The following LPAR6 variants were observed in gnomAD, a reference collection of about 807,000 sequenced individuals.
LPAR6 encodes G-protein coupled purinergic receptor P2Y5.
Under a neutral mutation model 22.0 loss-of-function variants are expected in LPAR6, and 17 were observed. The ratio of observed to expected loss-of-function variants is 0.77; its 90% confidence interval spans 0.53 to 1.16. LPAR6 has a LOEUF of 1.16. Ranked by LOEUF, LPAR6 falls within the 50% of genes most tolerant of loss-of-function variation. The pLI is 0.00. For synonymous variants in LPAR6, 136 were observed against 139.8 expected, an observed-to-expected ratio of 0.97 and a Z score of 0.19; for missense variants, 384 against 406.9, an observed-to-expected ratio of 0.94 and a Z score of 0.48.
chr13:48,442,092 C>G (rs1949242647), intron 1 of LPAR6, among the ~76,000 whole-genome samples: 1 of 152,188 alleles, frequency 6.6e-6, no homozygotes, highest in Non-Finnish European at 1.5e-5. Context: ...CTTTGACTTT[C>G]ATCATATTCA....
chr13:48,415,045 C>T (rs1948885195), upstream of LPAR6, among the ~76,000 whole-genome samples: 1 of 151,622 alleles, frequency 6.6e-6, no homozygotes, highest in Non-Finnish European at 1.5e-5. Flanking sequence ...TCTTAGTAAT[C>T]TTCTTTCAAA....
At chr13:48,390,185 A>G (rs1948600335) in intron 1 of LPAR6, among the ~76,000 whole-genome samples, 1 of 152,182 alleles carries the variant, frequency 6.6e-6, no homozygotes, top group Non-Finnish European at 1.5e-5. Flanking sequence ...CAAAACAAAC[A>G]AACAAAAAGT....
chr13:48,444,151 G>T lies in LPAR6; in HGVS notation c.-1474+402C>A, dbSNP rs554663290. On this transcript the variant is annotated intron_variant, in intron 1 of 6. Coordinates refer to the LPAR6 transcript ENST00000378434. The stretch of plus-strand genomic sequence containing the variant: ...ACCATCCTAGGCCTCCAGAACTTCT[G>T]ACCTACTGGCTTCAAATTGGGGTTC... Among the ~76,000 whole-genome samples, 72 of 152,178 alleles carry T rather than the reference G, an allele frequency of 4.7e-4. 2 individuals are homozygous for T. In the South Asian group the frequency reaches 0.015, roughly 32 times the overall value.
upstream of LPAR6, among the ~76,000 whole-genome samples, chr13:48,414,061 T>G (rs1948865074): frequency 6.6e-6 from 1 of 152,104 alleles, no homozygotes; most frequent in African/African-American, 2.4e-5. Context: ...TATACTCATA[T>G]TTTGGGCCAG....
rs756223273 is a variant in LPAR6, at chr13:48,411,807, A to C, written c.617T>G (p.Met206Arg). The change falls in exon 1 of 1, where the codon ATG becomes AGG. Residue 206 changes from methionine to arginine, a missense_variant. Physicochemically the swap from Met to Arg is moderately conservative, Grantham distance 91. Coordinates refer to ENST00000620633, the MANE Select transcript of LPAR6 (RefSeq NM_001162498.3). ...AGGTTTGGTTAAAGTTTTTAGCACC[A>C]TACTAGAACAAGTTACATTTAAAAT... ...PLILNVTCSS[M>R]VLKTLTKPVT... The C allele has an allele frequency of 6.2e-7, 1 of 1,612,874 alleles. No individual in the cohort carries two copies. The highest frequency in any genetic ancestry group is 2.2e-5 in the East Asian group (1 of 44,854).
intron 2 of LPAR6, among the ~76,000 whole-genome samples, chr13:48,418,709 CA>C (rs1217781825): frequency 0.075 from 8,188 of 109,632 alleles, 599 homozygotes; most frequent in African/African-American, 0.22. Flanking sequence ...AAATGGAAAG[CA>C]AAAAAAAAAA....
intron 1 of LPAR6, among the ~76,000 whole-genome samples, chr13:48,394,982 C>T (rs1313743167): frequency 6.6e-6 from 1 of 152,204 alleles, no homozygotes; most frequent in African/African-American, 2.4e-5. Context: ...TCAACAGACA[C>T]CTCATACAGG....
chr13:48,415,272 CTTTTCT>C (rs912210738), upstream of LPAR6, among the ~76,000 whole-genome samples: 9 of 151,436 alleles, frequency 5.9e-5, no homozygotes, highest in South Asian at 1.3e-3. Flanking sequence ...TTTTTCTTTT[CTTTTCT>C]TTTTCTTTTT....
upstream of LPAR6, among the ~76,000 whole-genome samples, chr13:48,416,831 T>G (rs1013968094): frequency 2.0e-5 from 3 of 152,118 alleles, no homozygotes; most frequent in Non-Finnish European, 4.4e-5. Context: ...AAGTTTGAAC[T>G]GGGTGGAGCC....
chr13:48,444,058 G>A (rs1949263951), intron 1 of LPAR6, among the ~76,000 whole-genome samples: 1 of 152,068 alleles, frequency 6.6e-6, no homozygotes, highest in Admixed American at 6.6e-5. Flanking sequence ...TTCTGATACT[G>A]TCTACTTGGA....
At chr13:48,419,625 T>C (rs1366697935) in intron 2 of LPAR6, among the ~76,000 whole-genome samples, 2 of 151,732 alleles carry the variant, frequency 1.3e-5, no homozygotes, top group Admixed American at 6.6e-5. Flanking sequence ...ATTAACAAAA[T>C]AGATAGACCA....
chr13:48,433,249 C>T (rs1335330282), intron 1 of LPAR6, among the ~76,000 whole-genome samples: 1 of 151,480 alleles, frequency 6.6e-6, no homozygotes, highest in Non-Finnish European at 1.5e-5. Context: ...ATGTACTTTT[C>T]TATTTATGAG....
At chr13:48,431,125 C>G (rs749545164), upstream of LPAR6, among the ~76,000 whole-genome samples, 4 of 122,704 alleles carry the variant, frequency 3.3e-5, no homozygotes, top group Non-Finnish European at 7.2e-5. Context: ...GGAAACAAGT[C>G]TGTTAGAACA....
At chr13:48,435,877 C>T (rs932297803) in intron 1 of LPAR6, among the ~76,000 whole-genome samples, 2 of 151,940 alleles carry the variant, frequency 1.3e-5, no homozygotes, top group Non-Finnish European at 2.9e-5. Flanking sequence ...AAAGATGAGA[C>T]AAATAGATGT....
chr13:48,422,322 A>G (rs1175877885), intron 2 of LPAR6, among the ~76,000 whole-genome samples: 1 of 152,098 alleles, frequency 6.6e-6, no homozygotes, highest in Non-Finnish European at 1.5e-5. Context: ...AACAATGAGA[A>G]CACATGGACA....
In LPAR6 at chr13:48,411,464, A is replaced by G; in HGVS notation, c.960T>C (p.His320=). The change falls in exon 1 of 1, where the codon CAT becomes CAC. Residue 320 remains histidine (H), a synonymous_variant. Transcript: ENST00000620633. ...TATGCTGAATAAAATTCTCTGCACC[A>G]TGAACTTCAGAGAATCTGAAGTCAC... ...RRSDFRFSEV[H]GAENFIQHNL... 2 of 1,613,126 alleles carry G rather than the reference A, an allele frequency of 1.2e-6. No individual in the cohort carries two copies. The highest frequency in any genetic ancestry group is 2.2e-5 in the East Asian group (1 of 44,806).
intron 1 of LPAR6, among the ~76,000 whole-genome samples, chr13:48,435,407 A>G (rs186056274): frequency 6.6e-6 from 1 of 151,794 alleles, no homozygotes; most frequent in East Asian, 1.9e-4. Context: ...TCATTTTCTG[A>G]TTGGATTGTT....
At chr13:48,427,069 G>C (rs1949089993), upstream of LPAR6, among the ~76,000 whole-genome samples, 1 of 152,228 alleles carries the variant, frequency 6.6e-6, no homozygotes, top group African/African-American at 2.4e-5. Flanking sequence ...TTATCACCAA[G>C]GGGGTGGTGC....
In LPAR6 at chr13:48,411,570, C is replaced by A. The variant is rs148717423; in HGVS notation, c.854G>T (p.Cys285Phe). ...ITLCIAVSNCCFDPIVYYFTS... is the reference protein window; with the variant it reads ...ITLCIAVSNCFFDPIVYYFTS... ...AAAGTAGTAAACTATAGGGTCAAAA[C>A]AACAGTTGGAAACAGCAATACAGAG... is the stretch of plus-strand genomic sequence containing the variant. Residue 285 changes from cysteine (C) to phenylalanine (F), a missense_variant, in exon 1 of 1, where the codon TGT (cysteine) becomes TTT (phenylalanine). Physicochemically the swap from Cys to Phe is radical, Grantham distance 205. Transcript: ENST00000620633. The A allele has an allele frequency of 1.2e-6, 2 of 1,613,620 alleles. No individual in the cohort carries two copies. The highest frequency in any genetic ancestry group is 1.7e-6 in the Non-Finnish European group (2 of 1,179,866).
Sources: allele counts gnomAD v4.1 joint callset (sites outside exome capture counted in the v4.1 genomes callset), GRCh38; gene constraint gnomAD v4.1.1; transcripts MANE v1.5; gene names NCBI Gene and HGNC (gene_info 2026-07-23, HGNC 2026-07-21).